CUL5: variants seen among roughly 807,000 people sequenced by gnomAD.
CUL5 encodes cullin 5.
In CUL5, 26 loss-of-function variants were observed where a neutral mutation model predicts 108.8. The observed-to-expected ratio is 0.24, with a 90% CI of 0.18 to 0.33. The LOEUF is 0.33. Among genes scored for constraint, CUL5 ranks in the 10% least tolerant of loss-of-function variants. The probability of loss-of-function intolerance (pLI) is 1.00; values close to 1 mark genes in which losing one functional copy is unlikely to be tolerated. For synonymous variants in CUL5, 334 were observed against 298.0 expected (o/e 1.12, Z -1.25); for missense variants, 524 against 909.2 (o/e 0.58, Z 5.45).
intron 7 of CUL5, among the ~76,000 whole-genome samples, chr11:108,066,645 TG>T (rs1352962403): frequency 6.6e-6 from 1 of 152,208 alleles, no homozygotes; most frequent in Non-Finnish European, 1.5e-5. Context: ...TGAATTCCCG[TG>T]GTAACTATTG....
chr11:108,046,227 T>A lies in CUL5; in HGVS notation c.135-43T>A, dbSNP rs199596912. On this transcript the variant is annotated intron_variant, in intron 2 of 18. Coordinates refer to ENST00000393094, the MANE Select transcript of CUL5 (RefSeq NM_003478.6). ...GAATTTAAGATGTTTTGTTCAGTTC[T>A]TGTTTCATTATTAATGTTTGTTTAC... The A allele has an allele frequency of 2.7e-5, 36 of 1,343,982 alleles. No individual in the cohort carries two copies. In the African/African-American group the frequency reaches 3.6e-4, roughly 13 times the overall value. The allele number at this position is 1,343,982 out of a possible 1,614,324, so 83.3% of individuals were successfully genotyped here.
rs770316737 is a variant in CUL5 at position 108,052,721 on chromosome 11, G to A, written c.473G>A (p.Ser158Asn). ...FSNIKNRLQD[S>N]AMKLVHAERL... Reference sequence around the variant, plus strand: ...AACATAAAAAACAGACTCCAAGATAGTGCAATGAAGCTGGTACATGCTGAG... The same window carrying A: ...AACATAAAAAACAGACTCCAAGATAATGCAATGAAGCTGGTACATGCTGAG... Residue 158 changes from serine (S) to asparagine (N), a missense_variant, in exon 5 of 19, where the codon AGT (serine) becomes AAT (asparagine). Ser to Asn is a conservative substitution (Grantham distance 46). This residue lies in a region of CUL5 where 170 missense variants were observed against 305.1 expected (regional missense o/e 0.56). Coordinates refer to ENST00000393094, the MANE Select transcript of CUL5 (RefSeq NM_003478.6). The A allele has an allele frequency of 6.2e-7, 1 of 1,613,508 alleles. No homozygotes were observed. Among genetic ancestry groups the A allele is most frequent in the Non-Finnish European group, 8.5e-7 (1 of 1,179,500 alleles).
chr11:108,028,204 T>C (rs1275611268), intron 1 of CUL5, among the ~76,000 whole-genome samples: 1 of 152,250 alleles, frequency 6.6e-6, no homozygotes, highest in Non-Finnish European at 1.5e-5. Flanking sequence ...ATGTTAAATG[T>C]AATACATCTA....
At chr11:108,052,384 G>T (rs932578951) in intron 4 of CUL5, among the ~76,000 whole-genome samples, 1 of 151,972 alleles carries the variant, frequency 6.6e-6, no homozygotes, top group Non-Finnish European at 1.5e-5. Context: ...GCGTGGTCTC[G>T]GCTCACTGGG....
intron 18 of CUL5, among the ~76,000 whole-genome samples, chr11:108,099,513 T>G (rs965977808): frequency 3.3e-5 from 5 of 151,874 alleles, no homozygotes; most frequent in Admixed American, 6.6e-5. Flanking sequence ...ATGAAAAGAG[T>G]GGCCCTTTAC....
intron 1 of CUL5, among the ~76,000 whole-genome samples, chr11:108,009,631 G>A (rs1486320115): frequency 6.6e-6 from 1 of 151,656 alleles, no homozygotes; most frequent in African/African-American, 2.4e-5. Flanking sequence ...ATGCTTTCAA[G>A]GGACCAGCTC....
At chr11:108,079,186 CT>C (rs1864009116) in intron 11 of CUL5, among the ~76,000 whole-genome samples, 1 of 152,228 alleles carries the variant, frequency 6.6e-6, no homozygotes, top group South Asian at 2.1e-4. Context: ...TCACTGCAAC[CT>C]TTACCTCCCG....
intron 7 of CUL5, among the ~76,000 whole-genome samples, chr11:108,058,494 C>T (rs928728325): frequency 1.1e-4 from 17 of 151,140 alleles, no homozygotes; most frequent in South Asian, 2.1e-4. Context: ...GTGATCTGCC[C>T]GCGGCGGCCT....
chr11:108,054,911 C>G lies in CUL5; in HGVS notation c.736C>G (p.Leu246Val). 1.2e-6 allele frequency: 2 copies of G among 1,609,030 alleles called. No individual in the cohort carries two copies. The highest frequency in any genetic ancestry group is 1.7e-6 in the Non-Finnish European group (2 of 1,178,846). ...ATTAAAAGAAGAAGAAAAACGAGCACTACGTTATTTAGAAACAAGACGAGA... is the reference window on the plus strand; with the variant it reads ...ATTAAAAGAAGAAGAAAAACGAGCAGTACGTTATTTAGAAACAAGACGAGA... ...AKLKEEEKRA[L>V]RYLETRRECN... Residue 246 changes from leucine to valine, a missense_variant, in exon 7 of 19, where the codon CTA becomes GTA. Transcript: ENST00000393094.
At chr11:108,012,415 T>A (rs1019845172) in intron 1 of CUL5, among the ~76,000 whole-genome samples, 1 of 151,994 alleles carries the variant, frequency 6.6e-6, no homozygotes, top group Non-Finnish European at 1.5e-5. Context: ...TTTTCTTGTT[T>A]CTCCTATGTT....
At chr11:108,025,711 C>T (rs746323543) in intron 1 of CUL5, among the ~76,000 whole-genome samples, 49 of 152,282 alleles carry the variant, frequency 3.2e-4, no homozygotes, top group Middle Eastern at 3.4e-3. Context: ...AGTTTTCTCA[C>T]ACCCAGGTAC....
intron 13 of CUL5, 90 bp from the exon 14 acceptor site, chr11:108,094,301 T>G (rs1418320901): frequency 2.1e-6 from 2 of 971,734 alleles, no homozygotes; most frequent in Non-Finnish European, 1.5e-6. Flanking sequence ...ATTAAAACAT[T>G]TAAGACTTAG....
At chr11:108,095,861 C>T (rs1479097348) in intron 16 of CUL5, among the ~76,000 whole-genome samples, 170 bp downstream of exon 16, 1 of 151,768 alleles carries the variant, frequency 6.6e-6, no homozygotes, top group South Asian at 2.1e-4. Context: ...TTTGGAAGGC[C>T]GAGGTGGGCA....
chr11:108,025,660 A>C (rs1352957046), intron 1 of CUL5, among the ~76,000 whole-genome samples: 1 of 152,098 alleles, frequency 6.6e-6, no homozygotes, highest in Non-Finnish European at 1.5e-5. Context: ...TGTTCTGCCC[A>C]TTCCCATTCC....
chr11:108,100,580 C>T (rs1002682470), intron 18 of CUL5, among the ~76,000 whole-genome samples: 1 of 151,976 alleles, frequency 6.6e-6, no homozygotes, highest in Non-Finnish European at 1.5e-5. Context: ...AAACCTTACT[C>T]TGTAAGTATA....
chr11:108,075,270 A>G (rs1251759367), intron 10 of CUL5, among the ~76,000 whole-genome samples: 1 of 152,054 alleles, frequency 6.6e-6, no homozygotes, highest in African/African-American at 2.4e-5. Context: ...AGTCAGATCT[A>G]CAGTGAGCTA....
In CUL5 at chr11:108,070,704, T is replaced by A. The variant is rs1006681342; in HGVS notation, c.874+515T>A. On this transcript the variant is annotated intron_variant, in intron 8 of 18. Transcript: ENST00000393094. ...TATATAACAAACTAAAAAAAAAAAT[T>A]GTACATATACCTACTACCCCAGTAA... 1.2e-3 allele frequency among the ~76,000 whole-genome samples: 182 copies of A among 152,244 alleles called. 1 individual carries two copies. Among genetic ancestry groups the A allele is most frequent in the African/African-American group, 4.2e-3 (175 of 41,570 alleles).
At chr11:108,037,366 C>CG (rs1862773160) in intron 2 of CUL5, among the ~76,000 whole-genome samples, 1 of 152,236 alleles carries the variant, frequency 6.6e-6, no homozygotes, top group South Asian at 2.1e-4. Context: ...CTTCCCTCTT[C>CG]ATGAGTCCAA....
intron 13 of CUL5, among the ~76,000 whole-genome samples, chr11:108,093,486 C>G (rs1016507165): frequency 6.6e-6 from 1 of 152,170 alleles, no homozygotes; most frequent in African/African-American, 2.4e-5. Flanking sequence ...TCTATAACTC[C>G]ATTTATGTTC....
Sources: gnomAD v4.1 joint callset for allele counts (sites outside exome capture counted in the v4.1 genomes callset) on GRCh38, gnomAD v4.1.1 for gene constraint, gnomAD v4.1.1 regional missense constraint, MANE v1.5 for transcripts, NCBI Gene and HGNC (gene_info 2026-07-23, HGNC 2026-07-21) for gene names.